The following ZNF385D variants were observed in gnomAD, a reference collection of about 807,000 sequenced individuals.
ZNF385D encodes the protein zinc finger protein 659.
Under a neutral mutation model 35.8 loss-of-function variants are expected in ZNF385D, and 15 were observed. The observed-to-expected ratio is 0.42, with a 90% CI of 0.28 to 0.64. The LOEUF (loss-of-function observed/expected upper bound fraction) is 0.64. ZNF385D is among the 30% of genes least tolerant of loss of function. The pLI, the probability that ZNF385D is intolerant of heterozygous loss-of-function variation, is 0.23. For missense variants in ZNF385D, 474 were observed against 494.6 expected (o/e 0.96, Z 0.39); for synonymous variants, 212 against 186.8 (o/e 1.13, Z -1.10).
chr3:21,627,071 A>C (rs2065154190), intron 2 of ZNF385D, among the ~76,000 whole-genome samples: 1 of 151,470 alleles, frequency 6.6e-6, no homozygotes, highest in Non-Finnish European at 1.5e-5. Context: ...TTTCTCCTAC[A>C]CAACTAAATA....
intron 3 of ZNF385D, among the ~76,000 whole-genome samples, chr3:21,916,829 A>G (rs926900748): frequency 2.0e-5 from 3 of 152,220 alleles, no homozygotes; most frequent in Non-Finnish European, 1.5e-5. Context: ...TTCCTAGAAG[A>G]GACTTTTGTG....
intron 2 of ZNF385D, among the ~76,000 whole-genome samples, chr3:21,571,199 A>G (rs762087943): frequency 6.6e-6 from 1 of 152,180 alleles, no homozygotes; most frequent in Non-Finnish European, 1.5e-5. Context: ...TAGTATTTTT[A>G]CCTGCTTTTG....
intron 3 of ZNF385D, among the ~76,000 whole-genome samples, chr3:21,924,797 C>CT (rs1290351488): frequency 1.3e-5 from 2 of 152,044 alleles, no homozygotes; most frequent in African/African-American, 4.8e-5. Flanking sequence ...AGAACTCCCC[C>CT]TCCCACACAA....
At chr3:22,031,616 C>T (rs1007501356) in intron 3 of ZNF385D, among the ~76,000 whole-genome samples, 1 of 152,098 alleles carries the variant, frequency 6.6e-6, no homozygotes, top group South Asian at 2.1e-4. Context: ...ACCATTTTTT[C>T]CCTCCTATGA....
chr3:21,417,166 T>TCTC lies in ZNF385D; in HGVS notation c.*4047_*4048insGAG, dbSNP rs1700573843. The TCTC allele has an allele frequency of 6.6e-6, 1 of 152,126 alleles. No homozygotes were observed. Among genetic ancestry groups the TCTC allele is most frequent in the Non-Finnish European group, 1.5e-5 (1 of 67,998 alleles). 9.4% of individuals were successfully genotyped at this position (152,126 alleles called of 1,614,324 possible). A position where few individuals can be genotyped will look rare whatever the true frequency, so the allele number is the denominator to read the frequency against. On this transcript the variant is annotated 3_prime_UTR_variant, in exon 8 of 8. Coordinates refer to ENST00000281523, the MANE Select transcript of ZNF385D (RefSeq NM_024697.3). Reference sequence around the variant, plus strand: ...TTCTGGACATATGCAAGTATGTGAGTAGCTGCATTGGTCACTCGAATAAAG... The same window carrying TCTC: ...TTCTGGACATATGCAAGTATGTGAGTCTCAGCTGCATTGGTCACTCGAATAAAG...
intron 2 of ZNF385D, among the ~76,000 whole-genome samples, chr3:22,311,802 T>C (rs1703567539): frequency 6.6e-6 from 1 of 152,090 alleles, no homozygotes; most frequent in Non-Finnish European, 1.5e-5. Flanking sequence ...CTACAATAAA[T>C]TGAGCCAATT....
chr3:22,078,390 G>C (rs185892700), intron 3 of ZNF385D, among the ~76,000 whole-genome samples: 2 of 152,164 alleles, frequency 1.3e-5, no homozygotes, highest in Admixed American at 1.3e-4. Context: ...CAGAGAAAAT[G>C]ATCCAACCAT....
At chr3:21,671,143 C>A (rs899342993) in intron 1 of ZNF385D, among the ~76,000 whole-genome samples, 1 of 152,076 alleles carries the variant, frequency 6.6e-6, no homozygotes, top group Non-Finnish European at 1.5e-5. Flanking sequence ...GCATATTACA[C>A]ATGTATTTGG....
At chr3:22,372,191 C>A (rs902925810) in intron 2 of ZNF385D, among the ~76,000 whole-genome samples, 3 of 152,104 alleles carry the variant, frequency 2.0e-5, no homozygotes, top group African/African-American at 7.2e-5. Context: ...TCCAGCTCCG[C>A]GCTCTTCACT....
chr3:22,170,733 G>T (rs1310405585), intron 2 of ZNF385D, among the ~76,000 whole-genome samples: 4 of 152,052 alleles, frequency 2.6e-5, no homozygotes, highest in East Asian at 3.8e-4. Flanking sequence ...ATAAAAAAAT[G>T]TAAGTATCTA....
At chr3:21,718,916 A>C (rs2068430172) in intron 1 of ZNF385D, among the ~76,000 whole-genome samples, 3 of 152,210 alleles carry the variant, frequency 2.0e-5, no homozygotes, top group African/African-American at 7.2e-5. Flanking sequence ...AATAGTTAAA[A>C]ATTTAAAAAT....
At chr3:21,820,266 T>G (rs2073345523) in intron 3 of ZNF385D, among the ~76,000 whole-genome samples, 1 of 151,744 alleles carries the variant, frequency 6.6e-6, no homozygotes. Context: ...ACAGCTCACA[T>G]TCTGTGACCA....
chr3:21,495,358 G>A (rs1202227250), intron 4 of ZNF385D, among the ~76,000 whole-genome samples: 2 of 151,822 alleles, frequency 1.3e-5, no homozygotes, highest in African/African-American at 4.8e-5. Flanking sequence ...AATAACATAA[G>A]TTCCAACAGC....
At chr3:21,983,039 G>A (rs1173558491) in intron 3 of ZNF385D, among the ~76,000 whole-genome samples, 1 of 151,796 alleles carries the variant, frequency 6.6e-6, no homozygotes, top group Non-Finnish European at 1.5e-5. Context: ...AAGGATATTG[G>A]GCTGAAGTTT....
chr3:22,343,090 T>C (rs1695496417), intron 2 of ZNF385D, among the ~76,000 whole-genome samples: 1 of 152,358 alleles, frequency 6.6e-6, no homozygotes, highest in African/African-American at 2.4e-5. Context: ...TATTTGGAGA[T>C]ATTTGGTTAA....
At chr3:22,288,249 A>G (rs1702126481) in intron 2 of ZNF385D, among the ~76,000 whole-genome samples, 1 of 151,960 alleles carries the variant, frequency 6.6e-6, no homozygotes, top group African/African-American at 2.4e-5. Context: ...ATCCTATTTA[A>G]TATCTTTTGG....
intron 2 of ZNF385D, among the ~76,000 whole-genome samples, chr3:22,352,731 T>C (rs1056415419): frequency 3.9e-5 from 6 of 152,092 alleles, no homozygotes; most frequent in Non-Finnish European, 8.8e-5. Flanking sequence ...CTAAACATAT[T>C]CAGTAGATAA....
chr3:21,718,612 T>C (rs2068420019), intron 1 of ZNF385D, among the ~76,000 whole-genome samples: 1 of 152,224 alleles, frequency 6.6e-6, no homozygotes, highest in African/African-American at 2.4e-5. Context: ...TAAGTATTAA[T>C]TAAATAATAA....
chr3:22,210,437 T>G (rs780183183), intron 2 of ZNF385D, among the ~76,000 whole-genome samples: 103 of 151,968 alleles, frequency 6.8e-4, no homozygotes, highest in Admixed American at 1.2e-3. Context: ...GCTTAAGGAC[T>G]TAGTTAAAAT....
Sources: allele counts gnomAD v4.1 joint callset (sites outside exome capture counted in the v4.1 genomes callset), GRCh38; gene constraint gnomAD v4.1.1; transcripts MANE v1.5; gene names NCBI Gene and HGNC (gene_info 2026-07-23, HGNC 2026-07-21).